The following SSBP3 variants were observed in gnomAD, a reference collection of about 807,000 sequenced individuals.
SSBP3 encodes single-stranded DNA-binding protein 3.
SSBP3 carries 5 observed loss-of-function variants against 69.6 expected under a neutral mutation model. That is an observed-to-expected ratio of 0.07 (90% CI 0.04 to 0.15). SSBP3 has a LOEUF of 0.15. Among genes scored for constraint, SSBP3 ranks in the 10% least tolerant of loss-of-function variants. The pLI is 1.00. For synonymous variants in SSBP3, 196 were observed against 193.4 expected (o/e 1.01, Z -0.11); for missense variants, 312 against 534.0 (o/e 0.58, Z 4.10).
chr1:54,287,730 C>G (rs1045071954), intron 4 of SSBP3, among the ~76,000 whole-genome samples: 6 of 152,126 alleles, frequency 3.9e-5, no homozygotes, highest in African/African-American at 1.4e-4. Context: ...TGGAAGCGAC[C>G]GGGGGAATGT....
chr1:54,363,008 T>C lies in SSBP3; in HGVS notation c.276+38853A>G, dbSNP rs1233655222. Among the ~76,000 whole-genome samples the C allele has an allele frequency of 3.3e-5, 5 of 152,100 alleles. No homozygotes were observed. The East Asian group carries it at 9.6e-4, about 29-fold the overall frequency. Reference sequence around the variant, plus strand: ...ACACTGTTGTCTTACTAAGACTCCATATTTACACAGGGAGTCTTGGAAAGA... The same window carrying C: ...ACACTGTTGTCTTACTAAGACTCCACATTTACACAGGGAGTCTTGGAAAGA... On this transcript the variant is annotated intron_variant, in intron 4 of 17. Coordinates refer to ENST00000610401, the Ensembl canonical transcript of SSBP3.
intron 4 of SSBP3, among the ~76,000 whole-genome samples, chr1:54,289,020 C>CAAAAAAAAAAAAAAAAAAAAAAA (rs777871964): frequency 2.3e-5 from 1 of 43,916 alleles, no homozygotes. Flanking sequence ...ACTCTGTCTC[C>CAAAAAAAAAAAAAAAAAAAAAAA]AAAAAAAAAA....
chr1:54,404,705 C>A (rs1172972301), intron 2 of SSBP3, 68 bp from the exon 3 acceptor site: 1 of 1,572,120 alleles, frequency 6.4e-7, no homozygotes, highest in Non-Finnish European at 8.7e-7. Context: ...TTCCCAGAGC[C>A]AAAAGGCTAG....
chr1:54,297,630 C>CA (rs897057139), intron 4 of SSBP3, among the ~76,000 whole-genome samples: 1 of 152,058 alleles, frequency 6.6e-6, no homozygotes, highest in East Asian at 1.9e-4. Flanking sequence ...GACTTTGTCT[C>CA]AAAAAACAAA....
chr1:54,263,286 C>T (rs1056824033), intron 5 of SSBP3, among the ~76,000 whole-genome samples: 3 of 152,242 alleles, frequency 2.0e-5, no homozygotes, highest in Admixed American at 2.0e-4. Context: ...CCCTCCCGCA[C>T]GCTCCGGCTA....
intron 4 of SSBP3, among the ~76,000 whole-genome samples, chr1:54,290,324 G>C (rs943680475): frequency 2.0e-5 from 3 of 152,150 alleles, no homozygotes; most frequent in Admixed American, 1.3e-4. Context: ...CTTAGGTAAG[G>C]TGCCCAGCCA....
At chr1:54,323,071 T>C (rs777139716) in intron 4 of SSBP3, among the ~76,000 whole-genome samples, 6 of 152,206 alleles carry the variant, frequency 3.9e-5, no homozygotes, top group Non-Finnish European at 7.3e-5. Context: ...AAGAACCTTT[T>C]TGAGTTATTT....
intron 13 of SSBP3, among the ~76,000 whole-genome samples, chr1:54,240,308 A>G: frequency 6.6e-6 from 1 of 151,036 alleles, no homozygotes; most frequent in East Asian, 1.9e-4. Context: ...AAATACAAAA[A>G]TTAGCCGGGC....
At chr1:54,289,231 C>A (rs1645561065) in intron 4 of SSBP3, among the ~76,000 whole-genome samples, 1 of 152,070 alleles carries the variant, frequency 6.6e-6, no homozygotes, top group South Asian at 2.1e-4. Context: ...CCTTCTAGCT[C>A]TGCTCTTTCT....
intron 4 of SSBP3, among the ~76,000 whole-genome samples, chr1:54,316,962 A>G (rs1191593461): frequency 1.3e-5 from 2 of 152,072 alleles, no homozygotes; most frequent in African/African-American, 4.8e-5. Context: ...CATTCCATTC[A>G]TGACGATGGA....
intron 4 of SSBP3, among the ~76,000 whole-genome samples, chr1:54,365,335 T>C (rs577316300): frequency 6.6e-6 from 1 of 151,008 alleles, no homozygotes; most frequent in East Asian, 1.9e-4. Context: ...CCTGGTTCCC[T>C]GAAGAAAGGT....
chr1:54,229,887 CAG>C (rs973880880), intron 14 of SSBP3, among the ~76,000 whole-genome samples: 30 of 152,326 alleles, frequency 2.0e-4, no homozygotes, highest in African/African-American at 7.2e-4. Context: ...CACAGGAGGA[CAG>C]AGATGCTGAC....
chr1:54,240,126 CAT>C (rs1557449333), intron 13 of SSBP3, among the ~76,000 whole-genome samples: 2 of 115,382 alleles, frequency 1.7e-5, no homozygotes, highest in East Asian at 5.5e-4. Flanking sequence ...GCGCGCAACA[CAT>C]GCCCACGTAT....
intron 5 of SSBP3, among the ~76,000 whole-genome samples, chr1:54,277,802 G>A (rs1298336408): frequency 2.0e-5 from 3 of 152,072 alleles, no homozygotes; most frequent in Admixed American, 2.0e-4. Context: ...TAGGGCCAAG[G>A]AACTTAGAAA....
chr1:54,382,257 TACAG>T (rs1647710068), intron 4 of SSBP3, among the ~76,000 whole-genome samples: 1 of 152,238 alleles, frequency 6.6e-6, no homozygotes, highest in Non-Finnish European at 1.5e-5. Flanking sequence ...TCTTATTTTT[TACAG>T]ACAGGGTCTC....
intron 5 of SSBP3, among the ~76,000 whole-genome samples, chr1:54,273,801 G>A (rs939424423): frequency 2.0e-5 from 3 of 152,240 alleles, no homozygotes; most frequent in Non-Finnish European, 1.5e-5. Flanking sequence ...CCAGGATAGG[G>A]GGCTTCATCA....
In SSBP3 at chr1:54,386,374, C is replaced by A. The variant is rs189652913; in HGVS notation, c.276+15487G>T. ...GATAAAATGCCCCACGGGCACAGCA[C>A]CTTATGGAGCGGTCCACATCATCAA... On this transcript the variant is annotated intron_variant, in intron 4 of 17. Coordinates refer to ENST00000610401, the Ensembl canonical transcript of SSBP3. 1.9e-3 allele frequency among the ~76,000 whole-genome samples: 286 copies of A among 152,300 alleles called. 16 individuals are homozygous for A. The South Asian group carries it at 0.04, about 22-fold the overall frequency.
intron 4 of SSBP3, among the ~76,000 whole-genome samples, chr1:54,287,739 G>A (rs776632045): frequency 4.6e-5 from 7 of 152,144 alleles, no homozygotes; most frequent in Non-Finnish European, 1.0e-4. Context: ...CCGGGGGAAT[G>A]TCATCACCCA....
At chr1:54,291,027 A>T (rs551167582) in intron 4 of SSBP3, among the ~76,000 whole-genome samples, 66 of 152,340 alleles carry the variant, frequency 4.3e-4, no homozygotes, top group Non-Finnish European at 7.2e-4. Flanking sequence ...TAACAAGAAC[A>T]CTGGCAGTTG....
Sources: allele counts gnomAD v4.1 joint callset (sites outside exome capture counted in the v4.1 genomes callset), GRCh38; gene constraint gnomAD v4.1.1; transcripts MANE v1.5; gene names NCBI Gene and HGNC (gene_info 2026-07-23, HGNC 2026-07-21).